Variants in USP34 observed in about 807,000 individuals in gnomAD.
The protein encoded by USP34 is ubiquitin specific peptidase 34, also known as ubiquitin carboxyl-terminal hydrolase 34.
A neutral mutation model predicts 460.3 loss-of-function variants in USP34; 70 were observed. That is an observed-to-expected ratio of 0.15 (90% CI 0.13 to 0.19). The LOEUF (loss-of-function observed/expected upper bound fraction) is 0.19, where lower values mean the gene tolerates loss of function less well. USP34 is among the 10% of genes least tolerant of loss of function. The pLI, the probability that USP34 is intolerant of heterozygous loss-of-function variation, is 1.00. For missense variants in USP34, 3,985 were observed against 4,236.2 expected (o/e 0.94, Z 1.65); for synonymous variants, 1,647 against 1,405.3 (o/e 1.17, Z -3.85).
Position 61,309,003 on chromosome 2 carries a change from C to A in USP34, c.3817+2537G>T, listed in dbSNP as rs567895258. On this transcript the variant is annotated intron_variant, in intron 27 of 79. Coordinates refer to ENST00000398571, the MANE Select transcript of USP34 (RefSeq NM_014709.4). ...TAAGCCAAGATCCTGCCACTGCACT[C>A]CAGCCTGGGTGACAGAGGGAGACTA... 2.5e-4 allele frequency among the ~76,000 whole-genome samples: 38 copies of A among 152,212 alleles called. No homozygotes were observed. In the South Asian group the frequency reaches 7.7e-3, roughly 31 times the overall value.
At chr2:61,390,545 T>C (rs1190650819) in intron 5 of USP34, among the ~76,000 whole-genome samples, 1 of 152,220 alleles carries the variant, frequency 6.6e-6, no homozygotes, top group Non-Finnish European at 1.5e-5. Context: ...AACGGATCCA[T>C]ATAATAGGTG....
chr2:61,306,863 G>A (rs1690423582), intron 27 of USP34, among the ~76,000 whole-genome samples: 1 of 152,162 alleles, frequency 6.6e-6, no homozygotes, highest in East Asian at 1.9e-4. Flanking sequence ...TTACCCAGTT[G>A]GTGGGACTGT....
intron 41 of USP34, among the ~76,000 whole-genome samples, chr2:61,271,143 A>G (rs1689201439): frequency 6.6e-6 from 1 of 151,902 alleles, no homozygotes; most frequent in African/African-American, 2.4e-5. Context: ...AAACAACAAC[A>G]ACAAAAATTT....
At chr2:61,354,609 G>C (rs1016980881) in intron 10 of USP34, among the ~76,000 whole-genome samples, 1 of 152,176 alleles carries the variant, frequency 6.6e-6, no homozygotes, top group African/African-American at 2.4e-5. Context: ...TTAGCACTGG[G>C]GCAGCCAGGG....
intron 51 of USP34, among the ~76,000 whole-genome samples, chr2:61,244,939 A>T (rs536442789): frequency 6.6e-6 from 1 of 152,166 alleles, no homozygotes; most frequent in African/African-American, 2.4e-5. Flanking sequence ...AATTTACTCA[A>T]TCTTATTCTC....
At chr2:61,302,680 C>T (rs1431629226) in intron 27 of USP34, among the ~76,000 whole-genome samples, 1 of 152,122 alleles carries the variant, frequency 6.6e-6, no homozygotes, top group Non-Finnish European at 1.5e-5. Flanking sequence ...TTTCAGTATC[C>T]ATTCTATATC....
intron 1 of USP34, among the ~76,000 whole-genome samples, chr2:61,469,197 A>T (rs949544634): frequency 2.0e-5 from 3 of 152,140 alleles, no homozygotes; most frequent in Non-Finnish European, 2.9e-5. Context: ...ACAAGAGCAA[A>T]ACTCTGTCTC....
At chr2:61,415,837 T>C (rs1260577649) in intron 2 of USP34, among the ~76,000 whole-genome samples, 1 of 152,228 alleles carries the variant, frequency 6.6e-6, no homozygotes, top group Non-Finnish European at 1.5e-5. Context: ...AGTAGAATTA[T>C]ATGCTGCCCA....
At position 61,348,137 on chromosome 2, in the gene USP34, T is replaced by A; in HGVS notation, c.2018A>T (p.Lys673Met). 1 of 1,614,234 alleles carries A rather than the reference T, an allele frequency of 6.2e-7. No homozygotes were observed. Among genetic ancestry groups the A allele is most frequent in the Non-Finnish European group, 8.5e-7 (1 of 1,180,034 alleles). Residue 673 changes from lysine (K) to methionine (M), a missense_variant, in exon 15 of 80, where the codon AAG (lysine) becomes ATG (methionine). Physicochemically the swap from Lys to Met is moderately conservative, Grantham distance 95. Transcript: ENST00000398571. ...ERNGTSSGTG[K>M]DLVFNTESLP... The stretch of plus-strand genomic sequence containing the variant: ...TGATTCAGTGTTAAAAACCAGGTCC[T>A]TTCCTGTTCCGCTGCTTGTCCCATT...
intron 37 of USP34, 50 bp downstream of exon 37, chr2:61,283,095 C>T (rs931498310): frequency 6.3e-7 from 1 of 1,582,408 alleles, no homozygotes; most frequent in Non-Finnish European, 8.6e-7. Flanking sequence ...ATGCTAATAA[C>T]ATGAAAACAT....
rs971153394 is a variant in USP34 at position 61,390,551 on chromosome 2, A to G, written c.753+4302T>C. Among the ~76,000 whole-genome samples, 10 of 152,368 alleles carry G rather than the reference A, an allele frequency of 6.6e-5. No homozygotes were observed. In the East Asian group the frequency reaches 1.9e-3, roughly 29 times the overall value. Reference sequence around the variant, plus strand: ...TTATTAAAGAACGGATCCATATAATAGGTGGAATAATATTTGTGCAAACTG... The same window carrying G: ...TTATTAAAGAACGGATCCATATAATGGGTGGAATAATATTTGTGCAAACTG... On this transcript the variant is annotated intron_variant, in intron 5 of 79. Coordinates refer to ENST00000398571, the MANE Select transcript of USP34 (RefSeq NM_014709.4).
chr2:61,275,847 C>G (rs1689357296), intron 41 of USP34, among the ~76,000 whole-genome samples: 1 of 152,044 alleles, frequency 6.6e-6, no homozygotes, highest in Non-Finnish European at 1.5e-5. Flanking sequence ...CTAATAATAT[C>G]CACCTTTTAA....
Position 61,188,298 on chromosome 2 carries a change from T to G in USP34, c.10445A>C (p.Asp3482Ala). 2 of 1,613,744 alleles carry G rather than the reference T, an allele frequency of 1.2e-6. No individual in the cohort carries two copies. The highest frequency in any genetic ancestry group is 1.7e-6 in the Non-Finnish European group (2 of 1,180,020). The change falls in exon 80 of 80, where the codon GAC becomes GCC. Residue 3482 changes from aspartate to alanine, a missense_variant. Physicochemically the swap from Asp to Ala is moderately radical, Grantham distance 126. This residue lies in a region of USP34 where 506 missense variants were observed against 439.0 expected (regional missense o/e 1.15). Coordinates refer to ENST00000398571, the MANE Select transcript of USP34 (RefSeq NM_014709.4). Reference sequence around the variant, plus strand: ...AGCTTGGCCATCACAGCTTCTCAAGTCAGCTAAGTCAGACAGAACTGCAGA... The same window carrying G: ...AGCTTGGCCATCACAGCTTCTCAAGGCAGCTAAGTCAGACAGAACTGCAGA... ...SISAVLSDLA[D>A]LRSCDGQALP... is the part of the protein sequence containing the mutation.
Position 61,190,647 on chromosome 2 carries a change from T to C in USP34, c.9600A>G (p.Ser3200=). The change falls in exon 77 of 80, where the codon TCA becomes TCG. Residue 3200 remains serine, a synonymous_variant. Coordinates refer to ENST00000398571, the MANE Select transcript of USP34 (RefSeq NM_014709.4). The part of the protein sequence containing the change: ...TELCQTQSAM[S]KNCIKLLCED... ...CACACAAAAGCTTGATGCAGTTTTT[T>C]GACATAGCAGACTAAAGTGGGGAGA... 1 of 1,613,608 alleles carries C rather than the reference T, an allele frequency of 6.2e-7. No homozygotes were observed. The highest frequency in any genetic ancestry group is 8.5e-7 in the Non-Finnish European group (1 of 1,179,852).
intron 66 of USP34, among the ~76,000 whole-genome samples, 156 bp downstream of exon 66, chr2:61,221,346 G>A (rs1052546034): frequency 1.3e-5 from 2 of 152,156 alleles, no homozygotes; most frequent in African/African-American, 4.8e-5. Context: ...AATACAACTA[G>A]GAGACTAGCT....
intron 75 of USP34, among the ~76,000 whole-genome samples, chr2:61,199,700 C>T (rs576273635): frequency 3.7e-4 from 56 of 152,334 alleles, no homozygotes; most frequent in African/African-American, 1.3e-3. Context: ...TCATCTTTAT[C>T]ATCTACCAAG....
intron 2 of USP34, among the ~76,000 whole-genome samples, chr2:61,414,340 C>A (rs918085521): frequency 1.3e-5 from 2 of 151,558 alleles, no homozygotes; most frequent in African/African-American, 4.8e-5. Flanking sequence ...CAAAGCAATA[C>A]TGGAACCTAG....
At position 61,195,252 on chromosome 2, in the gene USP34, C is replaced by T. The variant is rs1178007537; in HGVS notation, c.9509-2272G>A. ...GTAGAAATGGGGTCTTGCCATGTTG[C>T]CCAGGCTGGTCTCAAACTCCTGGCA... On this transcript the variant is annotated intron_variant, in intron 75 of 79. Coordinates refer to ENST00000398571, the MANE Select transcript of USP34 (RefSeq NM_014709.4). Among the ~76,000 whole-genome samples the T allele has an allele frequency of 2.0e-5, 3 of 151,770 alleles. 1 individual carries two copies. The East Asian group carries it at 5.8e-4, about 30-fold the overall frequency.
chr2:61,238,571 A>G (rs1412325772), intron 53 of USP34, among the ~76,000 whole-genome samples: 1 of 152,222 alleles, frequency 6.6e-6, no homozygotes, highest in African/African-American at 2.4e-5. Context: ...TTTGGGATTA[A>G]TAACTATGCT....
Sources: gnomAD v4.1 joint callset for allele counts (sites outside exome capture counted in the v4.1 genomes callset) on GRCh38, gnomAD v4.1.1 for gene constraint, gnomAD v4.1.1 regional missense constraint, MANE v1.5 for transcripts, NCBI Gene and HGNC (gene_info 2026-07-23, HGNC 2026-07-21) for gene names.